IBTK: variants seen among roughly 807,000 people sequenced by gnomAD.
The protein encoded by IBTK is BTK-binding protein.
Under a neutral mutation model 154.9 loss-of-function variants are expected in IBTK, and 83 were observed. The observed-to-expected ratio is 0.54, with a 90% CI of 0.45 to 0.64. IBTK has a LOEUF of 0.64. IBTK is among the 30% of genes least tolerant of loss of function. IBTK has a pLI of 0.00. For synonymous variants in IBTK, 515 were observed against 536.1 expected (o/e 0.96, Z 0.54); for missense variants, 1,332 against 1,584.6 (o/e 0.84, Z 2.71).
chr6:82,188,384 GATTT>G (rs1768632696), intron 25 of IBTK, among the ~76,000 whole-genome samples: 1 of 152,062 alleles, frequency 6.6e-6, no homozygotes, highest in African/African-American at 2.4e-5. Flanking sequence ...ATTTAGTCAT[GATTT>G]ATTCTTTTTC....
chr6:82,220,754 T>G, intron 8 of IBTK, 41 bp from the exon 9 acceptor site: 1 of 1,453,474 alleles, frequency 6.9e-7, no homozygotes, highest in Non-Finnish European at 9.2e-7. Context: ...ATATGTTCTC[T>G]AAACTACACA....
At chr6:82,215,951 T>C (rs1355065809) in intron 11 of IBTK, 125 bp downstream of exon 11, 4 of 626,300 alleles carry the variant, frequency 6.4e-6, no homozygotes, top group Non-Finnish European at 1.1e-5. Context: ...AACATGATTA[T>C]GTCTAAGGTC....
chr6:82,192,949 T>C (rs1768828945), intron 23 of IBTK, among the ~76,000 whole-genome samples: 1 of 151,200 alleles, frequency 6.6e-6, no homozygotes, highest in Non-Finnish European at 1.5e-5. Context: ...AATACAAAAA[T>C]TGGCTGAGCA....
At chr6:82,247,275 T>C (rs191036652) in intron 1 of IBTK, among the ~76,000 whole-genome samples, 2 of 152,296 alleles carry the variant, frequency 1.3e-5, no homozygotes, top group African/African-American at 4.8e-5. Flanking sequence ...CAACTAGGAA[T>C]GCAATGTCGC....
intron 26 of IBTK, among the ~76,000 whole-genome samples, chr6:82,179,679 G>C (rs549411667): frequency 2.6e-5 from 4 of 152,158 alleles, no homozygotes; most frequent in Non-Finnish European, 4.4e-5. Flanking sequence ...AATGGGGCTG[G>C]GAGATAGAAT....
chr6:82,176,675 C>T (rs1768130731), intron 26 of IBTK, among the ~76,000 whole-genome samples: 1 of 151,946 alleles, frequency 6.6e-6, no homozygotes, highest in Non-Finnish European at 1.5e-5. Flanking sequence ...GTACAAATTG[C>T]TCACTTTTAG....
intron 9 of IBTK, among the ~76,000 whole-genome samples, chr6:82,219,236 C>T (rs1281447383): frequency 6.6e-6 from 1 of 152,012 alleles, no homozygotes; most frequent in Non-Finnish European, 1.5e-5. Context: ...CCAAGTATTA[C>T]GCCCACCATC....
intron 2 of IBTK, 132 bp from the exon 3 acceptor site, chr6:82,234,387 G>A: frequency 8.1e-6 from 2 of 247,820 alleles, no homozygotes; most frequent in Non-Finnish European, 1.4e-5. Flanking sequence ...CCAGGCTGGA[G>A]TGATGCAATG....
chr6:82,199,709 C>G (rs1769127943), intron 21 of IBTK, among the ~76,000 whole-genome samples: 1 of 152,098 alleles, frequency 6.6e-6, no homozygotes, highest in Non-Finnish European at 1.5e-5. Context: ...CAACAGCCAC[C>G]CATAGCCTTT....
rs201266657 is a variant in IBTK, at chr6:82,197,038, T to C, written c.3026-592A>G. ...GAAGCAAGAGGGTTGTTGTGAAATGTATATATCATTTCTTCTCTTAGGCAA... is the reference window on the plus strand; with the variant it reads ...GAAGCAAGAGGGTTGTTGTGAAATGCATATATCATTTCTTCTCTTAGGCAA... On this transcript the variant is annotated intron_variant, in intron 21 of 28. Coordinates refer to ENST00000306270, the MANE Select transcript of IBTK (RefSeq NM_015525.4). Among the ~76,000 whole-genome samples the C allele has an allele frequency of 2.0e-5, 3 of 152,218 alleles. No homozygotes were observed. In the East Asian group the frequency reaches 5.8e-4, roughly 29 times the overall value.
chr6:82,226,387 A>G (rs977260540), intron 5 of IBTK, among the ~76,000 whole-genome samples: 1 of 152,198 alleles, frequency 6.6e-6, no homozygotes, highest in Non-Finnish European at 1.5e-5. Flanking sequence ...CACAAAAAAC[A>G]TCTTAAAATA....
At chr6:82,242,593 TC>T (rs1448076656) in intron 1 of IBTK, among the ~76,000 whole-genome samples, 1 of 151,830 alleles carries the variant, frequency 6.6e-6, no homozygotes, top group African/African-American at 2.4e-5. Flanking sequence ...AAAAATCATC[TC>T]CCCCTTAAAA....
At chr6:82,190,234 T>C (rs1361821633) in intron 25 of IBTK, among the ~76,000 whole-genome samples, 1 of 152,210 alleles carries the variant, frequency 6.6e-6, no homozygotes, top group East Asian at 1.9e-4. Context: ...TCAAAATAAT[T>C]AACATTTTAA....
Position 82,196,333 on chromosome 6 carries a change from CAG to C in IBTK, c.3137_3138del (p.Pro1046ArgfsTer10). 1 of 1,608,228 alleles carries C rather than the reference CAG, an allele frequency of 6.2e-7. No homozygotes were observed. Among genetic ancestry groups the C allele is most frequent in the Non-Finnish European group, 8.5e-7 (1 of 1,177,342 alleles). On this transcript the variant is annotated frameshift_variant, in exon 22 of 29. Transcript: ENST00000306270. LOFTEE classifies it high-confidence loss of function. The stretch of plus-strand genomic sequence containing the variant: ...TCTGAATGAAATCCTGTTGTGAAAT[CAG>C]GGGACTGTAAATCTCTAGGACTACC... ...GVGSPRDLQS[P>X]DFTTGFHSDK... is the part of the protein sequence containing the mutation.
intron 4 of IBTK, 104 bp downstream of exon 4, chr6:82,231,614 C>A (rs1283012355): frequency 2.6e-6 from 2 of 754,966 alleles, no homozygotes; most frequent in African/African-American, 1.7e-5. Flanking sequence ...TAAAATGTTA[C>A]TGTACCTGAA....
At chr6:82,180,313 A>C (rs994885395) in intron 26 of IBTK, among the ~76,000 whole-genome samples, 1 of 152,026 alleles carries the variant, frequency 6.6e-6, no homozygotes, top group Non-Finnish European at 1.5e-5. Flanking sequence ...TGGCACAATC[A>C]TGGCTAACTG....
intron 11 of IBTK, among the ~76,000 whole-genome samples, chr6:82,215,298 G>T (rs554076483): frequency 1.3e-5 from 2 of 152,266 alleles, no homozygotes; most frequent in East Asian, 3.9e-4. Context: ...CAGTACCCTT[G>T]ATGTTTATCT....
rs1306308910 is a variant in IBTK, at chr6:82,218,144, C to T, written c.1249-7G>A. The stretch of plus-strand genomic sequence containing the variant: ...CTGATCTCCAGCAAAACACCTAAAA[C>T]AAAACCAAATCACATTGAAATATAA... On this transcript the variant is annotated splice_region_variant and splice_polypyrimidine_tract_variant and intron_variant, in intron 9 of 28. Transcript: ENST00000306270. 4 of 1,533,808 alleles carry T rather than the reference C, an allele frequency of 2.6e-6. No homozygotes were observed. In the East Asian group the frequency reaches 7.0e-5, roughly 27 times the overall value.
Position 82,240,191 on chromosome 6 carries a change from A to G in IBTK, c.296T>C (p.Ile99Thr), listed in dbSNP as rs933833405. 2 of 1,613,774 alleles carry G rather than the reference A, an allele frequency of 1.2e-6. No homozygotes were observed. Among genetic ancestry groups the G allele is most frequent in the African/African-American group, 1.3e-5 (1 of 74,944 alleles). Reference protein sequence around the residue: ...ALHRSIFYGHIDCVWSLLKHG... With the variant: ...ALHRSIFYGHTDCVWSLLKHG... ...CTTCAATAGAGACCAAACACAATCAATATGTCCATAAAAAATGCTTCTGTG... is the reference window on the plus strand; with the variant it reads ...CTTCAATAGAGACCAAACACAATCAGTATGTCCATAAAAAATGCTTCTGTG... Residue 99 changes from isoleucine (I) to threonine (T), a missense_variant, in exon 2 of 29, where the codon ATT becomes ACT. Physicochemically the swap from Ile to Thr is moderately conservative, Grantham distance 89. This residue lies in a region of IBTK where 114 missense variants were observed against 213.7 expected (regional missense o/e 0.53). Coordinates refer to ENST00000306270, the MANE Select transcript of IBTK (RefSeq NM_015525.4).
Sources: allele counts gnomAD v4.1 joint callset (sites outside exome capture counted in the v4.1 genomes callset), GRCh38; gene constraint gnomAD v4.1.1; regional missense constraint gnomAD v4.1.1; transcripts MANE v1.5; gene names NCBI Gene and HGNC (gene_info 2026-07-23, HGNC 2026-07-21).